TANC1: variants seen among roughly 807,000 people sequenced by gnomAD.
TANC1 encodes the protein tetratricopeptide repeat, ankyrin repeat and coiled-coil containing 1.
In TANC1, 77 loss-of-function variants were observed where a neutral mutation model predicts 149.7. The ratio of observed to expected loss-of-function variants is 0.51; its 90% CI spans 0.43 to 0.62. The LOEUF (loss-of-function observed/expected upper bound fraction) is 0.62, where lower values mean the gene tolerates loss of function less well. TANC1 is among the 20% of genes least tolerant of loss of function. TANC1 has a pLI of 0.00. For synonymous variants in TANC1, 854 were observed against 925.0 expected (o/e 0.92, Z 1.39); for missense variants, 1,985 against 2,321.8 (o/e 0.85, Z 2.98).
At chr2:159,193,221 T>A (rs2057590765) in intron 16 of TANC1, among the ~76,000 whole-genome samples, 1 of 152,222 alleles carries the variant, frequency 6.6e-6, no homozygotes, top group Non-Finnish European at 1.5e-5. Context: ...CACTCAGTAT[T>A]TGTTCTTTTG....
chr2:159,185,416 T>G (rs1404884197), intron 14 of TANC1, among the ~76,000 whole-genome samples: 1 of 152,234 alleles, frequency 6.6e-6, no homozygotes, highest in African/African-American at 2.4e-5. Flanking sequence ...CATCCAAGCC[T>G]AGAATTCTCT....
At chr2:159,169,223 A>G (rs747688713) in intron 8 of TANC1, 27 bp from the exon 9 acceptor site, 1 of 1,601,626 alleles carries the variant, frequency 6.2e-7, no homozygotes, top group African/African-American at 1.3e-5. Context: ...ACCTTTGAAG[A>G]TACTAAACTT....
intron 2 of TANC1, among the ~76,000 whole-genome samples, chr2:159,014,608 A>G (rs1406678057): frequency 2.6e-5 from 4 of 152,216 alleles, no homozygotes; most frequent in African/African-American, 9.6e-5. Context: ...TCCATAGTCC[A>G]AAGTCTTATC....
At position 159,174,971 on chromosome 2, in the gene TANC1, T is replaced by C; in HGVS notation, c.1522T>C (p.Cys508Arg). 1 of 1,614,108 alleles carries C rather than the reference T, an allele frequency of 6.2e-7. No individual in the cohort carries two copies. Residue 508 changes from cysteine to arginine, a missense_variant, in exon 12 of 27, where the codon TGC becomes CGC. Coordinates refer to ENST00000263635, the MANE Select transcript of TANC1 (RefSeq NM_033394.3). ...LASKVVAYHY[C>R]QADNTYTCLV... ...CCCCTAGGTGGTGGCCTACCACTAC[T>C]GCCAGGCTGACAACACGTACACTTG...
chr2:159,100,297 T>C (rs2046553390), intron 4 of TANC1, among the ~76,000 whole-genome samples: 2 of 152,174 alleles, frequency 1.3e-5, no homozygotes, highest in Non-Finnish European at 1.5e-5. Context: ...TTAGGTGGGA[T>C]TGAATGGCAT....
At chr2:159,043,368 G>A (rs2040805151) in intron 2 of TANC1, among the ~76,000 whole-genome samples, 1 of 152,070 alleles carries the variant, frequency 6.6e-6, no homozygotes, top group Non-Finnish European at 1.5e-5. Context: ...GCAAGCAAGT[G>A]GCATGTGGGG....
At chr2:159,182,465 G>A (rs1378907713) in intron 14 of TANC1, among the ~76,000 whole-genome samples, 1 of 152,010 alleles carries the variant, frequency 6.6e-6, no homozygotes, top group Non-Finnish European at 1.5e-5. Flanking sequence ...TTTTTAGTAT[G>A]TTCACATCAG....
At chr2:159,215,557 A>C (rs1028831507) in intron 19 of TANC1, among the ~76,000 whole-genome samples, 13 of 152,222 alleles carry the variant, frequency 8.5e-5, no homozygotes, top group Admixed American at 6.5e-5. Flanking sequence ...GTGTCAAAGA[A>C]GACAGGCAGA....
intron 1 of TANC1, among the ~76,000 whole-genome samples, chr2:158,980,841 A>C (rs2034224615): frequency 6.6e-6 from 1 of 151,586 alleles, no homozygotes; most frequent in Non-Finnish European, 1.5e-5. Flanking sequence ...GGAAACCAAG[A>C]TTCAATCAAG....
intron 2 of TANC1, among the ~76,000 whole-genome samples, chr2:159,034,154 G>T (rs1169909478): frequency 1.3e-5 from 2 of 152,158 alleles, no homozygotes; most frequent in Admixed American, 6.5e-5. Context: ...AAAGCAGCCG[G>T]ACTCAATGCA....
chr2:159,202,232 A>G (rs2058299483), intron 19 of TANC1, among the ~76,000 whole-genome samples: 2 of 152,220 alleles, frequency 1.3e-5, no homozygotes, highest in Admixed American at 6.5e-5. Flanking sequence ...AGCCCTGCAC[A>G]TCTGACTGCT....
intron 2 of TANC1, among the ~76,000 whole-genome samples, chr2:159,059,942 T>C (rs1472999257): frequency 4.4e-5 from 6 of 135,778 alleles, no homozygotes; most frequent in Non-Finnish European, 8.1e-5. Context: ...TTTTTTGTTG[T>C]TGTTGTTTTT....
intron 4 of TANC1, among the ~76,000 whole-genome samples, chr2:159,120,096 T>C (rs1559296211): frequency 6.6e-6 from 1 of 152,228 alleles, no homozygotes; most frequent in Non-Finnish European, 1.5e-5. Context: ...GACTGTGGGC[T>C]ACTCCTGACT....
chr2:159,178,813 C>A lies in TANC1; in HGVS notation c.2160C>A (p.Val720=). 2 of 1,614,192 alleles carry A rather than the reference C, an allele frequency of 1.2e-6. No individual in the cohort carries two copies. Among genetic ancestry groups the A allele is most frequent in the South Asian group, 1.1e-5 (1 of 91,068 alleles). The change falls in exon 14 of 27, where the codon GTC becomes GTA. Residue 720 remains valine (V), a synonymous_variant. Transcript: ENST00000263635. ...TLDLFQRGHL[V]IKSASYKVVP... ...ACCTTTTCCAGAGGGGCCACTTGGT[C>A]ATTAAGAGTGCCAGCTACAAGGTGG... is the stretch of plus-strand genomic sequence containing the variant.
chr2:159,165,264 A>G (rs2054472855), intron 8 of TANC1, among the ~76,000 whole-genome samples: 2 of 152,120 alleles, frequency 1.3e-5, no homozygotes, highest in Admixed American at 6.5e-5. Flanking sequence ...GGCTGCCGTG[A>G]TTATAGAGCA....
rs367758543 is a variant in TANC1 at position 159,228,787 on chromosome 2, C to T, written c.4051-9C>T. On this transcript the variant is annotated splice_polypyrimidine_tract_variant and intron_variant, in intron 25 of 26. Transcript: ENST00000263635. ...TGCTTCTGACTCCTGTATTTCTTGT[C>T]GACACCAGGACTTTGGCATGGCAGA... The T allele has an allele frequency of 2.1e-5, 33 of 1,607,284 alleles. No individual in the cohort carries two copies. Among genetic ancestry groups the T allele is most frequent in the Middle Eastern group, 1.6e-4 (1 of 6,072 alleles).
At chr2:159,198,553 G>A (rs1156864100) in intron 18 of TANC1, among the ~76,000 whole-genome samples, 1 of 152,202 alleles carries the variant, frequency 6.6e-6, no homozygotes, top group Non-Finnish European at 1.5e-5. Context: ...AGCAGAAAAT[G>A]TATTTGAACA....
intron 1 of TANC1, among the ~76,000 whole-genome samples, chr2:158,994,489 A>G (rs911169804): frequency 4.6e-5 from 7 of 152,124 alleles, no homozygotes; most frequent in Non-Finnish European, 8.8e-5. Context: ...AGGCTGGTCT[A>G]CAGTGCTTAG....
intron 14 of TANC1, among the ~76,000 whole-genome samples, chr2:159,184,429 G>A (rs1246837719): frequency 6.6e-6 from 1 of 152,152 alleles, no homozygotes; most frequent in South Asian, 2.1e-4. Flanking sequence ...GGGAGCACTG[G>A]AAACTTTAGG....
Sources: gnomAD v4.1 joint callset for allele counts (sites outside exome capture counted in the v4.1 genomes callset) on GRCh38, gnomAD v4.1.1 for gene constraint, MANE v1.5 for transcripts, NCBI Gene and HGNC (gene_info 2026-07-23, HGNC 2026-07-21) for gene names.